The following CGGBP1 variants were observed in gnomAD, a reference collection of about 807,000 sequenced individuals.
CGGBP1 encodes CGG triplet repeat binding protein 1.
Under a neutral mutation model 11.4 loss-of-function variants are expected in CGGBP1, and 4 were observed. That is an observed-to-expected ratio of 0.35 (90% CI 0.17 to 0.80). The LOEUF is 0.80. Ranked by LOEUF, CGGBP1 falls within the 30% of genes least tolerant of loss-of-function variation. The pLI is 0.52. For missense variants in CGGBP1, 135 were observed against 202.1 expected (o/e 0.67, Z 2.01); for synonymous variants, 76 against 74.1 (o/e 1.03, Z -0.13).
intron 2 of CGGBP1, chr3:88,140,486 T>C (rs1707054334): frequency 6.2e-7 from 1 of 1,613,598 alleles, no homozygotes. Flanking sequence ...ACAGTTTAGT[T>C]CAGAATGGAA....
intron 2 of CGGBP1, chr3:88,140,190 A>G (rs1367391924): frequency 1.2e-6 from 2 of 1,613,718 alleles, no homozygotes; most frequent in African/African-American, 2.7e-5. Flanking sequence ...AAGTCACAGG[A>G]TATTTCAGGC....
chr3:88,132,700 A>G (rs1172494167), intron 2 of CGGBP1, among the ~76,000 whole-genome samples: 1 of 152,198 alleles, frequency 6.6e-6, no homozygotes, highest in Non-Finnish European at 1.5e-5. Flanking sequence ...TTCAACATTT[A>G]GGGGAAGTAT....
At chr3:88,063,090 A>G (rs2107585987), upstream of CGGBP1, among the ~76,000 whole-genome samples, 1 of 152,282 alleles carries the variant, frequency 6.6e-6, no homozygotes, top group African/African-American at 2.4e-5. Context: ...CCCTTAGGAG[A>G]CATTTGGCAA....
At chr3:88,056,045 A>G in intron 3 of CGGBP1, 46 bp from the exon 4 acceptor site, 1 of 1,400,428 alleles carries the variant, frequency 7.1e-7, no homozygotes, top group African/African-American at 1.4e-5. Context: ...ACAACAGTTC[A>G]TTCTGGAAGT....
At chr3:88,111,943 T>C (rs112039564) in intron 2 of CGGBP1, among the ~76,000 whole-genome samples, 269 of 152,086 alleles carry the variant, frequency 1.8e-3, no homozygotes, top group African/African-American at 6.2e-3. Context: ...ACAAATCCAC[T>C]TGCATTTACT....
chr3:88,107,638 C>G (rs770394612), intron 2 of CGGBP1, among the ~76,000 whole-genome samples: 8 of 152,044 alleles, frequency 5.3e-5, no homozygotes, highest in Non-Finnish European at 8.8e-5. Context: ...CCTCTGTGTT[C>G]CTTAACTCTT....
At chr3:88,129,087 C>T in intron 2 of CGGBP1, 1 of 1,068,802 alleles carries the variant, frequency 9.4e-7, no homozygotes, top group South Asian at 1.7e-5. Flanking sequence ...AAGTAGCCCA[C>T]TGTTGTTGTT....
intron 1 of CGGBP1, chr3:88,141,631 G>A (rs1707140107): frequency 6.7e-7 from 1 of 1,493,784 alleles, no homozygotes; most frequent in East Asian, 2.4e-5. Flanking sequence ...TAACAGATGT[G>A]TTCTGTTTTA....
intron 2 of CGGBP1, among the ~76,000 whole-genome samples, chr3:88,103,784 T>TG (rs1704572945): frequency 1.2e-5 from 1 of 80,220 alleles, no homozygotes; most frequent in African/African-American, 4.2e-5. Context: ...TTTTTTTTTT[T>TG]GAGATGGAGT....
At chr3:88,059,408 T>A (rs1289029734), upstream of CGGBP1, 2 of 1,531,370 alleles carry the variant, frequency 1.3e-6, no homozygotes, top group South Asian at 1.2e-5. Context: ...CCTGTGGGGC[T>A]TAGAGCTGCG....
intron 2 of CGGBP1, among the ~76,000 whole-genome samples, chr3:88,133,785 C>A (rs763882475): frequency 2.6e-5 from 4 of 151,928 alleles, no homozygotes; most frequent in Admixed American, 6.6e-5. Flanking sequence ...TGTAGAAATA[C>A]ATGTGTAAAA....
rs780560315 is a variant in CGGBP1, at chr3:88,139,606, C to T, written c.-229+1364G>A. 3.7e-6 allele frequency: 6 copies of T among 1,613,556 alleles called. No individual in the cohort carries two copies. The African/African-American group carries it at 8.0e-5, about 22-fold the overall frequency. The stretch of plus-strand genomic sequence containing the variant: ...TTGGAAGTGGAGACACTTACTGCTT[C>T]TAGTGAAGGAAACAAAGAAGTCATC... On this transcript the variant is annotated intron_variant, in intron 2 of 3. Transcript: ENST00000462901.
At chr3:88,112,202 T>C (rs1355961609) in intron 2 of CGGBP1, among the ~76,000 whole-genome samples, 6 of 151,886 alleles carry the variant, frequency 4.0e-5, no homozygotes, top group Non-Finnish European at 8.8e-5. Context: ...TTAGGTCTTA[T>C]ATAATTTTAA....
intron 2 of CGGBP1, among the ~76,000 whole-genome samples, chr3:88,071,631 A>C (rs953111568): frequency 2.3e-5 from 2 of 87,376 alleles, no homozygotes; most frequent in Non-Finnish European, 4.8e-5. Flanking sequence ...GCGAGACTCC[A>C]TCTCAAAAAC....
At chr3:88,126,726 C>A (rs1706128160) in intron 2 of CGGBP1, among the ~76,000 whole-genome samples, 1 of 151,656 alleles carries the variant, frequency 6.6e-6, no homozygotes, top group Non-Finnish European at 1.5e-5. Flanking sequence ...TATAGCTAGC[C>A]CAGTGCTTGG....
At chr3:88,109,234 ATATT>A (rs1210906769) in intron 2 of CGGBP1, among the ~76,000 whole-genome samples, 1 of 151,794 alleles carries the variant, frequency 6.6e-6, no homozygotes, top group Non-Finnish European at 1.5e-5. Flanking sequence ...ACTGAAGAAA[ATATT>A]TTGAAGATTA....
At position 88,055,433 on chromosome 3, in the gene CGGBP1, C is replaced by A. The variant is rs778268715; in HGVS notation, c.*40G>T. The stretch of plus-strand genomic sequence containing the variant: ...ACACAATCAACACATAACTTTAATA[C>A]TCCACATTTATCTTGATCACAATGG... On this transcript the variant is annotated 3_prime_UTR_variant, in exon 4 of 4. Coordinates refer to ENST00000482016, the MANE Select transcript of CGGBP1 (RefSeq NM_001008390.2). This position sits in a 1 kb window ranked among gnomAD's most constrained non-coding sequence, Gnocchi z 4.2. The A allele has an allele frequency of 2.0e-6, 3 of 1,470,288 alleles. No homozygotes were observed. The highest frequency in any genetic ancestry group is 9.1e-7 in the Non-Finnish European group (1 of 1,099,240). 91.1% of individuals were successfully genotyped at this position (1,470,288 alleles called of 1,614,324 possible). A position where few individuals can be genotyped will look rare whatever the true frequency, so the allele number is the denominator to read the frequency against.
chr3:88,055,421 ATAACTT>A lies in CGGBP1; in HGVS notation c.*46_*51del. ...CAAAAATGAACCACACAATCAACAC[ATAACTT>A]TAATACTCCACATTTATCTTGATCA... On this transcript the variant is annotated 3_prime_UTR_variant, in exon 4 of 4. Coordinates refer to ENST00000482016, the MANE Select transcript of CGGBP1 (RefSeq NM_001008390.2). The surrounding 1 kb of genome is among the most constrained non-coding windows in gnomAD (Gnocchi z 4.2). 3 of 1,428,992 alleles carry A rather than the reference ATAACTT, an allele frequency of 2.1e-6. No individual in the cohort carries two copies. The South Asian group carries it at 4.7e-5, about 23-fold the overall frequency. The allele number at this position is 1,428,992 out of a possible 1,614,324, so 88.5% of individuals were successfully genotyped here. A position where few individuals can be genotyped will look rare whatever the true frequency, so the allele number is the denominator to read the frequency against.
At chr3:88,109,029 A>G (rs1329763974) in intron 2 of CGGBP1, among the ~76,000 whole-genome samples, 3 of 152,056 alleles carry the variant, frequency 2.0e-5, no homozygotes, top group Admixed American at 6.6e-5. Flanking sequence ...GGGAGACATG[A>G]ACAGAAACAT....
Sources: allele counts gnomAD v4.1 joint callset (sites outside exome capture counted in the v4.1 genomes callset), GRCh38; gene constraint gnomAD v4.1.1; non-coding constraint Gnocchi (gnomAD v3.1); transcripts MANE v1.5; gene names NCBI Gene and HGNC (gene_info 2026-07-23, HGNC 2026-07-21).